UTRN: variants seen among roughly 807,000 people sequenced by gnomAD.
UTRN encodes the protein dystrophin-related protein 1.
Under a neutral mutation model 463.9 loss-of-function variants are expected in UTRN, and 283 were observed. The ratio of observed to expected loss-of-function variants is 0.61; its 90% confidence interval spans 0.55 to 0.67. The LOEUF is 0.67. UTRN is among the 30% of genes least tolerant of loss of function. The pLI is 0.00. For missense variants in UTRN, 3,922 were observed against 4,084.3 expected (o/e 0.96, Z 1.08); for synonymous variants, 1,442 against 1,431.5 (o/e 1.01, Z -0.17).
Position 144,461,331 on chromosome 6 carries a change from C to CAAAAA in UTRN, c.2844_2845insAAAAA (p.Glu949LysfsTer36). On this transcript the variant is annotated frameshift_variant, in exon 22 of 75. Coordinates refer to ENST00000367545, the MANE Select transcript of UTRN (RefSeq NM_007124.3). LOFTEE classifies it high-confidence loss of function. Reference sequence around the variant, plus strand: ...TCTTGCCAAGGTGGAGAAGGCCCTGCAAGAAAAAAAGGTAACATATATCTT... The same window carrying CAAAAA: ...TCTTGCCAAGGTGGAGAAGGCCCTGCAAAAAAAGAAAAAAAGGTAACATATATCTT... 1 of 1,559,346 alleles carries CAAAAA rather than the reference C, an allele frequency of 6.4e-7. No individual in the cohort carries two copies. Among genetic ancestry groups the CAAAAA allele is most frequent in the Non-Finnish European group, 8.7e-7 (1 of 1,154,008 alleles).
chr6:144,843,899 T>TTAAC (rs1781803648), intron 73 of UTRN, among the ~76,000 whole-genome samples: 2 of 152,240 alleles, frequency 1.3e-5, no homozygotes, highest in Admixed American at 6.5e-5. Context: ...TTTCATAGTG[T>TTAAC]TAACTATGCA....
At chr6:144,402,351 C>G (rs1483567814) in intron 2 of UTRN, among the ~76,000 whole-genome samples, 1 of 152,208 alleles carries the variant, frequency 6.6e-6, no homozygotes, top group African/African-American at 2.4e-5. Flanking sequence ...GGGACACCGT[C>G]TATTTGGTTC....
intron 2 of UTRN, among the ~76,000 whole-genome samples, chr6:144,321,877 C>CTCCTGT (rs1562247370): frequency 2.0e-5 from 3 of 151,984 alleles, no homozygotes; most frequent in African/African-American, 2.4e-5. Flanking sequence ...GAGTCTCCTG[C>CTCCTGT]CTCGGCCTCC....
chr6:144,669,615 G>C (rs1780784726), intron 51 of UTRN, among the ~76,000 whole-genome samples: 2 of 151,928 alleles, frequency 1.3e-5, no homozygotes, highest in African/African-American at 2.4e-5. Flanking sequence ...GTTTTGGGGG[G>C]AACAGGTGAT....
At chr6:144,346,910 T>TATCTATCTATC (rs1562275401) in intron 2 of UTRN, among the ~76,000 whole-genome samples, 11 of 146,270 alleles carry the variant, frequency 7.5e-5, no homozygotes, top group African/African-American at 2.9e-4. Flanking sequence ...ATCTATCATC[T>TATCTATCTATC]ATCTATCTAT....
At chr6:144,359,790 C>T (rs1039265247) in intron 2 of UTRN, among the ~76,000 whole-genome samples, 1 of 151,040 alleles carries the variant, frequency 6.6e-6, no homozygotes, top group African/African-American at 2.4e-5. Context: ...CCCTCAGTAG[C>T]TAAGCCTGTA....
At chr6:144,400,779 C>T (rs1350168121) in intron 2 of UTRN, among the ~76,000 whole-genome samples, 1 of 152,144 alleles carries the variant, frequency 6.6e-6, no homozygotes, top group African/African-American at 2.4e-5. Context: ...GTATCGTTTA[C>T]AGGCAAATAA....
intron 34 of UTRN, among the ~76,000 whole-genome samples, chr6:144,503,621 G>A (rs748434439): frequency 3.9e-5 from 6 of 152,050 alleles, no homozygotes; most frequent in Non-Finnish European, 8.8e-5. Context: ...ATCTGTTTTG[G>A]TACCAGTACC....
intron 51 of UTRN, among the ~76,000 whole-genome samples, chr6:144,664,543 A>C (rs1284758219): frequency 6.7e-6 from 1 of 149,006 alleles, no homozygotes; most frequent in African/African-American, 2.5e-5. Context: ...GGCTCAAGCT[A>C]TCCACCCACC....
Position 144,533,083 on chromosome 6 carries a change from A to G in UTRN, c.6058-2A>G. Reference sequence around the variant, plus strand: ...CTAATCTTGAGTTGTGCTCTGTTACAGGAACTTGAGGTGGGCATCAGCAGC... The same window carrying G: ...CTAATCTTGAGTTGTGCTCTGTTACGGGAACTTGAGGTGGGCATCAGCAGC... On this transcript the variant is annotated splice_acceptor_variant, in intron 42 of 74. Coordinates refer to ENST00000367545, the MANE Select transcript of UTRN (RefSeq NM_007124.3). LOFTEE classifies it high-confidence loss of function. The G allele has an allele frequency of 6.5e-7, 1 of 1,537,438 alleles. No homozygotes were observed. The highest frequency in any genetic ancestry group is 9.0e-7 in the Non-Finnish European group (1 of 1,111,264).
chr6:144,314,069 T>C (rs1775118981), intron 2 of UTRN, among the ~76,000 whole-genome samples: 1 of 152,160 alleles, frequency 6.6e-6, no homozygotes, highest in Non-Finnish European at 1.5e-5. Flanking sequence ...GGCTGGAGAA[T>C]ATTCACTTAT....
At chr6:144,363,576 C>T (rs577478903) in intron 2 of UTRN, among the ~76,000 whole-genome samples, 1 of 152,336 alleles carries the variant, frequency 6.6e-6, no homozygotes, top group African/African-American at 2.4e-5. Flanking sequence ...TACAAACTCA[C>T]TCAACTCACA....
chr6:144,586,318 C>T (rs1585407494), intron 51 of UTRN, among the ~76,000 whole-genome samples: 2 of 151,956 alleles, frequency 1.3e-5, no homozygotes, highest in East Asian at 3.8e-4. Context: ...AATATTTCTT[C>T]TCGGTTATAC....
At chr6:144,408,685 A>G (rs1008527396) in intron 3 of UTRN, among the ~76,000 whole-genome samples, 2 of 152,226 alleles carry the variant, frequency 1.3e-5, no homozygotes, top group African/African-American at 4.8e-5. Flanking sequence ...GGATTCCAAT[A>G]TGGAGAGCTA....
In UTRN at chr6:144,748,229, CT is replaced by C. The variant is rs766395821; in HGVS notation, c.7940-9del. ...ATCAGACATCCAAATTATTCTTTTT[CT>C]TTTTTTTAATCACAGAATTAACTCC... On this transcript the variant is annotated splice_polypyrimidine_tract_variant and intron_variant, in intron 54 of 74. Coordinates refer to ENST00000367545, the MANE Select transcript of UTRN (RefSeq NM_007124.3). 38 of 1,583,288 alleles carry C rather than the reference CT, an allele frequency of 2.4e-5. No individual in the cohort carries two copies. Among genetic ancestry groups the C allele is most frequent in the East Asian group, 4.5e-5 (2 of 44,474 alleles).
chr6:144,539,101 C>G (rs571564352), intron 44 of UTRN, among the ~76,000 whole-genome samples, 193 bp from the exon 45 acceptor site: 5 of 152,344 alleles, frequency 3.3e-5, no homozygotes, highest in Non-Finnish European at 7.3e-5. Flanking sequence ...AAAATACACA[C>G]AGAAGGCATG....
chr6:144,454,230 A>T (rs1375425391), intron 19 of UTRN, among the ~76,000 whole-genome samples: 1 of 152,200 alleles, frequency 6.6e-6, no homozygotes, highest in Non-Finnish European at 1.5e-5. Flanking sequence ...ACTTGGCAAC[A>T]TTTGGGAAAC....
chr6:144,359,406 A>G (rs1310893264), intron 2 of UTRN, among the ~76,000 whole-genome samples: 4 of 152,202 alleles, frequency 2.6e-5, no homozygotes, highest in Non-Finnish European at 4.4e-5. Context: ...TGCTACTATT[A>G]TTATTGTTGT....
chr6:144,470,829 A>G (rs1050334659), intron 23 of UTRN, among the ~76,000 whole-genome samples: 1 of 151,934 alleles, frequency 6.6e-6, no homozygotes, highest in African/African-American at 2.4e-5. Context: ...ACTGGAGACC[A>G]GCCCGGCCAA....
Sources: gnomAD v4.1 joint callset for allele counts (sites outside exome capture counted in the v4.1 genomes callset) on GRCh38, gnomAD v4.1.1 for gene constraint, MANE v1.5 for transcripts, NCBI Gene and HGNC (gene_info 2026-07-23, HGNC 2026-07-21) for gene names.